Variants in FSD1L observed in about 807,000 individuals in gnomAD.
FSD1L encodes the protein FSD1-like protein.
FSD1L carries 45 observed loss-of-function variants against 71.6 expected under a neutral mutation model. The ratio of observed to expected loss-of-function variants is 0.63; its 90% CI spans 0.49 to 0.81. FSD1L has a LOEUF of 0.81. FSD1L is among the 30% of genes least tolerant of loss of function. The pLI is 0.00. For synonymous variants in FSD1L, 197 were observed against 207.2 expected (o/e 0.95, Z 0.42); for missense variants, 561 against 618.1 (o/e 0.91, Z 0.98).
intron 6 of FSD1L, among the ~76,000 whole-genome samples, chr9:105,480,505 T>TGGTC (rs1441789344): frequency 6.6e-6 from 1 of 152,206 alleles, no homozygotes; most frequent in Non-Finnish European, 1.5e-5. Flanking sequence ...TTGCCCAGGC[T>TGGTC]GGTCTGGAAT....
At chr9:105,529,145 A>G (rs71312525) in intron 10 of FSD1L, among the ~76,000 whole-genome samples, 3 of 152,214 alleles carry the variant, frequency 2.0e-5, no homozygotes, top group African/African-American at 7.2e-5. Flanking sequence ...ATGTGGAGAA[A>G]TAGGAACTGT....
At chr9:105,474,433 G>A (rs1310770644) in intron 5 of FSD1L, among the ~76,000 whole-genome samples, 1 of 152,140 alleles carries the variant, frequency 6.6e-6, no homozygotes, top group African/African-American at 2.4e-5. Context: ...ACTGAGAGCT[G>A]CTTGCAATTA....
Position 105,530,414 on chromosome 9 carries a change from C to G in FSD1L, c.1026-4079C>G, listed in dbSNP as rs186236375. The G allele has an allele frequency of 3.2e-3, 1,598 of 496,932 alleles. 25 individuals carry two copies. Among genetic ancestry groups the G allele is most frequent in the African/African-American group, 0.03 (1,470 of 48,254 alleles). The allele number at this position is 496,932 out of a possible 1,614,324, so 30.8% of individuals were successfully genotyped here. A position where few individuals can be genotyped will look rare whatever the true frequency, so the allele number is the denominator to read the frequency against. ...TGCTGCAATGGAAGAGTTTTCCTTA[C>G]TTAACTTTTCTCTGAAATTAAACTG... On this transcript the variant is annotated intron_variant, in intron 10 of 13. Transcript: ENST00000481272.
Position 105,461,580 on chromosome 9 carries a change from A to C in FSD1L, c.76A>C (p.Ile26Leu). The change falls in exon 2 of 14, where the codon ATC becomes CTC. Residue 26 changes from isoleucine to leucine, a missense_variant. Coordinates refer to ENST00000481272, the MANE Select transcript of FSD1L (RefSeq NM_001145313.3). ...TAAAGCCTGTTTTCTGATCTCTAAC[A>C]TCACTATTGGACCAGAGTCTATTAA... ...VDKACFLISNITIGPESINLQ... is the reference protein window; with the variant it reads ...VDKACFLISNLTIGPESINLQ... The C allele has an allele frequency of 1.3e-6, 2 of 1,551,778 alleles. No homozygotes were observed. Among genetic ancestry groups the C allele is most frequent in the Non-Finnish European group, 1.7e-6 (2 of 1,146,698 alleles).
At chr9:105,450,550 T>TTTTTTTTTTTTA (rs1829927378) in intron 1 of FSD1L, among the ~76,000 whole-genome samples, 1 of 151,522 alleles carries the variant, frequency 6.6e-6, no homozygotes, top group African/African-American at 2.4e-5. Context: ...TTTTTTTTTT[T>TTTTTTTTTTTTA]GAGACGGAGT....
intron 10 of FSD1L, among the ~76,000 whole-genome samples, chr9:105,518,820 A>C (rs890289509): frequency 1.3e-5 from 2 of 152,222 alleles, no homozygotes; most frequent in Non-Finnish European, 2.9e-5. Flanking sequence ...TCAGAGCAGA[A>C]CTGAAGGAGA....
At chr9:105,488,324 TAA>T (rs1482877078) in intron 7 of FSD1L, among the ~76,000 whole-genome samples, 1 of 152,222 alleles carries the variant, frequency 6.6e-6, no homozygotes, top group African/African-American at 2.4e-5. Context: ...AATATGCATT[TAA>T]GTTTCCTCCA....
intron 7 of FSD1L, among the ~76,000 whole-genome samples, chr9:105,489,516 T>C (rs865906181): frequency 2.0e-4 from 31 of 152,180 alleles, no homozygotes; most frequent in African/African-American, 7.5e-4. Context: ...ATTTTATTAT[T>C]ATTATACTTC....
intron 3 of FSD1L, among the ~76,000 whole-genome samples, chr9:105,465,649 A>G (rs542980879): frequency 1.5e-4 from 23 of 152,326 alleles, no homozygotes; most frequent in Admixed American, 1.2e-3. Context: ...TAAAGACAAA[A>G]AAAAGTGTAT....
chr9:105,491,016 A>G (rs1832901606), intron 7 of FSD1L, among the ~76,000 whole-genome samples: 1 of 151,680 alleles, frequency 6.6e-6, no homozygotes, highest in Non-Finnish European at 1.5e-5. Flanking sequence ...TATGAACTTT[A>G]AAGTAGTTTT....
At chr9:105,528,347 A>G (rs1441128576) in intron 10 of FSD1L, among the ~76,000 whole-genome samples, 1 of 152,254 alleles carries the variant, frequency 6.6e-6, no homozygotes, top group Non-Finnish European at 1.5e-5. Flanking sequence ...CAAAAAGAAC[A>G]AAGCTAGAGG....
chr9:105,447,889 T>C, upstream of FSD1L: 1 of 435,450 alleles, frequency 2.3e-6, no homozygotes, highest in Admixed American at 4.6e-5. Context: ...GGAAAAAGGA[T>C]GGGGGAAGGG....
chr9:105,448,422 C>A (rs1283438352), intron 1 of FSD1L, among the ~76,000 whole-genome samples, 187 bp downstream of exon 1: 5 of 152,122 alleles, frequency 3.3e-5, no homozygotes, highest in Non-Finnish European at 5.9e-5. Context: ...CACACGGATG[C>A]GGGGACCGCG....
intron 5 of FSD1L, chr9:105,473,445 C>G (rs1347362655): frequency 6.6e-6 from 1 of 152,224 alleles, no homozygotes; most frequent in Non-Finnish European, 1.5e-5. Context: ...TCATAGAGTT[C>G]ATGGACAAGA....
At chr9:105,512,691 T>G (rs1414070317) in intron 9 of FSD1L, 116 bp from the exon 10 acceptor site, 1 of 512,012 alleles carries the variant, frequency 2.0e-6, no homozygotes, top group Non-Finnish European at 3.3e-6. Context: ...TTGAACTTTA[T>G]TTTCTGTATT....
intron 7 of FSD1L, among the ~76,000 whole-genome samples, chr9:105,493,048 A>G (rs568992491): frequency 0.025 from 3,762 of 152,122 alleles, 173 homozygotes; most frequent in African/African-American, 0.086. Context: ...GAATTCCTGG[A>G]TATCCTTGTT....
chr9:105,525,204 T>C (rs1835432412), intron 10 of FSD1L: 6 of 1,603,110 alleles, frequency 3.7e-6, no homozygotes, highest in Admixed American at 1.7e-5. Context: ...TTAGAAGATA[T>C]AACCGTAAAA....
intron 1 of FSD1L, among the ~76,000 whole-genome samples, chr9:105,454,691 T>G (rs909154151): frequency 5.3e-5 from 8 of 152,194 alleles, no homozygotes; most frequent in African/African-American, 1.2e-4. Context: ...TGGTTAAGGC[T>G]TCTTTATCCT....
intron 1 of FSD1L, among the ~76,000 whole-genome samples, chr9:105,452,665 GCCTGCCTT>G (rs1381528005): frequency 4.6e-3 from 392 of 85,842 alleles, no homozygotes; most frequent in Middle Eastern, 0.012. Context: ...CTGCCTGCCT[GCCTGCCTT>G]CCTTCCTTCC....
Sources: allele counts gnomAD v4.1 joint callset (sites outside exome capture counted in the v4.1 genomes callset), GRCh38; gene constraint gnomAD v4.1.1; transcripts MANE v1.5; gene names NCBI Gene and HGNC (gene_info 2026-07-23, HGNC 2026-07-21).